The following ADAMTS12 variants were observed in gnomAD, a reference collection of about 807,000 sequenced individuals.
The protein encoded by ADAMTS12 is A disintegrin and metalloproteinase with thrombospondin motifs 12.
Under a neutral mutation model 167.8 loss-of-function variants are expected in ADAMTS12, and 118 were observed. The observed-to-expected ratio is 0.70, with a 90% CI of 0.61 to 0.82. The LOEUF (loss-of-function observed/expected upper bound fraction) is 0.82, where lower values mean the gene tolerates loss of function less well. Among genes scored for constraint, ADAMTS12 ranks in the 40% least tolerant of loss-of-function variants. The pLI is 0.00. For synonymous variants in ADAMTS12, 704 were observed against 716.9 expected, an observed-to-expected ratio of 0.98 and a Z score of 0.29; for missense variants, 1,916 against 1,998.8, an observed-to-expected ratio of 0.96 and a Z score of 0.79.
intron 7 of ADAMTS12, 104 bp from the exon 8 acceptor site, chr5:33,649,801 T>G: frequency 7.0e-7 from 1 of 1,421,432 alleles, no homozygotes; most frequent in East Asian, 2.4e-5. Context: ...GACAGCCACG[T>G]TTGTACAGAA....
chr5:33,799,650 T>C (rs1441292206), intron 2 of ADAMTS12, among the ~76,000 whole-genome samples: 1 of 152,244 alleles, frequency 6.6e-6, no homozygotes, highest in Non-Finnish European at 1.5e-5. Context: ...TTGTAAACCC[T>C]CTAGTCCGAT....
At chr5:33,687,643 T>C (rs1173017557) in intron 3 of ADAMTS12, among the ~76,000 whole-genome samples, 1 of 152,230 alleles carries the variant, frequency 6.6e-6, no homozygotes, top group African/African-American at 2.4e-5. Flanking sequence ...ATATCAGTTA[T>C]ATTATAGATA....
chr5:33,881,588 TTTTGCTC>T, intron 1 of ADAMTS12, 108 bp from the exon 2 acceptor site: 6 of 1,447,414 alleles, frequency 4.1e-6, no homozygotes, highest in Non-Finnish European at 5.5e-6. Context: ...GGAAATGGAG[TTTTGCTC>T]TTGTTTCCCA....
intron 2 of ADAMTS12, among the ~76,000 whole-genome samples, chr5:33,855,885 C>A (rs1170775199): frequency 2.0e-5 from 3 of 152,114 alleles, no homozygotes; most frequent in Non-Finnish European, 4.4e-5. Context: ...CGCCACCACA[C>A]CCAGCTATTT....
intron 3 of ADAMTS12, among the ~76,000 whole-genome samples, chr5:33,684,347 T>C (rs898454868): frequency 6.6e-6 from 1 of 152,160 alleles, no homozygotes; most frequent in Non-Finnish European, 1.5e-5. Flanking sequence ...TTCTCTTTCT[T>C]CTCCTCCTTT....
chr5:33,703,976 A>G (rs1743095969), intron 3 of ADAMTS12, among the ~76,000 whole-genome samples: 1 of 152,206 alleles, frequency 6.6e-6, no homozygotes, highest in African/African-American at 2.4e-5. Flanking sequence ...CTTCTGCTTT[A>G]ACCTTTACAA....
chr5:33,556,251 A>G (rs1199226024), intron 20 of ADAMTS12, among the ~76,000 whole-genome samples: 2 of 152,226 alleles, frequency 1.3e-5, no homozygotes, highest in Non-Finnish European at 2.9e-5. Flanking sequence ...ATGACAGAGT[A>G]GGTTATCATG....
intron 5 of ADAMTS12, among the ~76,000 whole-genome samples, chr5:33,665,854 A>T (rs1741446031): frequency 6.6e-6 from 1 of 152,230 alleles, no homozygotes; most frequent in African/African-American, 2.4e-5. Context: ...TGGGGATCAC[A>T]TCTCTCAGGG....
rs1744981463 is a variant in ADAMTS12 at position 33,751,543 on chromosome 5, T to C, written c.495A>G (p.Gly165=). The C allele has an allele frequency of 1.9e-6, 3 of 1,613,710 alleles. No homozygotes were observed. The highest frequency in any genetic ancestry group is 2.5e-6 in the Non-Finnish European group (3 of 1,179,944). The change falls in exon 3 of 24, where the codon GGA becomes GGG. Residue 165 remains glycine, a synonymous_variant. Coordinates refer to ENST00000504830, the MANE Select transcript of ADAMTS12 (RefSeq NM_030955.4). ...AALSACHGLT[G]FFQLPHGDFF... is the part of the protein sequence containing the mutation. The stretch of plus-strand genomic sequence containing the variant: ...AGTCTCCATGTGGTAGTTGGAAAAA[T>C]CCAGTCTGTAAATACATTCAGTAAG...
At chr5:33,622,341 G>A (rs1406827717) in intron 14 of ADAMTS12, among the ~76,000 whole-genome samples, 1 of 152,054 alleles carries the variant, frequency 6.6e-6, no homozygotes, top group Non-Finnish European at 1.5e-5. Context: ...GGCCAAGATA[G>A]GAACTCATAA....
chr5:33,544,288 G>C (rs1368722560), intron 22 of ADAMTS12, among the ~76,000 whole-genome samples: 1 of 152,012 alleles, frequency 6.6e-6, no homozygotes, highest in Non-Finnish European at 1.5e-5. Context: ...AAAATACCTA[G>C]GAATCCAACT....
chr5:33,592,203 C>T (rs1031277811), intron 17 of ADAMTS12, among the ~76,000 whole-genome samples: 3 of 151,474 alleles, frequency 2.0e-5, no homozygotes, highest in African/African-American at 4.8e-5. Flanking sequence ...CACTCCAGCC[C>T]GGGCAACAAG....
intron 6 of ADAMTS12, among the ~76,000 whole-genome samples, 166 bp from the exon 7 acceptor site, chr5:33,658,499 A>G (rs556521777): frequency 2.1e-4 from 32 of 152,324 alleles, no homozygotes; most frequent in Middle Eastern, 6.8e-3. Flanking sequence ...ATTCACTGAG[A>G]TGATTCTGAT....
At chr5:33,777,534 A>C (rs1034064654) in intron 2 of ADAMTS12, among the ~76,000 whole-genome samples, 3 of 152,156 alleles carry the variant, frequency 2.0e-5, no homozygotes, top group African/African-American at 7.2e-5. Flanking sequence ...GTATCTCAAC[A>C]TAATAAAGGC....
chr5:33,532,225 A>G (rs1671033622), intron 23 of ADAMTS12, among the ~76,000 whole-genome samples: 1 of 152,194 alleles, frequency 6.6e-6, no homozygotes, highest in Non-Finnish European at 1.5e-5. Flanking sequence ...GAAGCTTGAA[A>G]AACAATTTCA....
At chr5:33,797,671 C>A (rs564649724) in intron 2 of ADAMTS12, among the ~76,000 whole-genome samples, 1 of 152,182 alleles carries the variant, frequency 6.6e-6, no homozygotes, top group Admixed American at 6.5e-5. Flanking sequence ...TAATACCTTA[C>A]TTACTTGGGT....
chr5:33,823,103 AAAAAG>A (rs1328417704), intron 2 of ADAMTS12, among the ~76,000 whole-genome samples: 19 of 151,700 alleles, frequency 1.3e-4, no homozygotes, highest in African/African-American at 3.6e-4. Flanking sequence ...AAAAAAAAAA[AAAAAG>A]AAAGAAAAAG....
At position 33,684,650 on chromosome 5, in the gene ADAMTS12, C is replaced by T. The variant is rs1407991505; in HGVS notation, c.635-595G>A. On this transcript the variant is annotated intron_variant, in intron 3 of 23. Transcript: ENST00000504830. ...GTAGTATATATAAGCTGAAAACCTG[C>T]CAAAGGTTCCAGGCATTCCACTTGA... Among the ~76,000 whole-genome samples the T allele has an allele frequency of 2.0e-5, 3 of 152,216 alleles. No homozygotes were observed. In the East Asian group the frequency reaches 5.8e-4, roughly 29 times the overall value.
intron 22 of ADAMTS12, among the ~76,000 whole-genome samples, chr5:33,537,152 T>C (rs1744457148): frequency 1.3e-5 from 2 of 151,956 alleles, no homozygotes; most frequent in African/African-American, 4.9e-5. Context: ...TGAGTATTAG[T>C]TTGGTAACTA....
Sources: gnomAD v4.1 joint callset for allele counts (sites outside exome capture counted in the v4.1 genomes callset) on GRCh38, gnomAD v4.1.1 for gene constraint, MANE v1.5 for transcripts, NCBI Gene and HGNC (gene_info 2026-07-23, HGNC 2026-07-21) for gene names.